Variants in DAAM1 observed in about 807,000 individuals in gnomAD.
DAAM1 encodes the protein dishevelled associated activator of morphogenesis 1.
DAAM1 carries 52 observed loss-of-function variants against 130.0 expected under a neutral mutation model. The observed-to-expected ratio is 0.40, with a 90% CI of 0.32 to 0.50. The LOEUF is 0.50. Ranked by LOEUF, DAAM1 falls within the 20% of genes least tolerant of loss-of-function variation. DAAM1 has a pLI of 0.61. For missense variants in DAAM1, 1,134 were observed against 1,303.8 expected, an observed-to-expected ratio of 0.87 and a Z score of 2.01; for synonymous variants, 452 against 444.5, an observed-to-expected ratio of 1.02 and a Z score of -0.21.
At chr14:59,309,534 T>C (rs1304434294) in intron 3 of DAAM1, among the ~76,000 whole-genome samples, 2 of 152,196 alleles carry the variant, frequency 1.3e-5, no homozygotes, top group African/African-American at 2.4e-5. Context: ...GTGGGCTAAT[T>C]TGGCCAGTCA....
chr14:59,363,845 C>G, intron 23 of DAAM1, 63 bp downstream of exon 23: 2 of 1,599,614 alleles, frequency 1.3e-6, no homozygotes, highest in African/African-American at 1.3e-5. Context: ...GTGATACTTT[C>G]AGTTATTATT....
At chr14:59,359,580 A>AT in intron 21 of DAAM1, 76 bp downstream of exon 21, 1 of 1,052,116 alleles carries the variant, frequency 9.5e-7, no homozygotes, top group South Asian at 1.4e-5. Flanking sequence ...TTTGCACTGC[A>AT]TGAAGTCAGT....
chr14:59,302,068 C>T (rs897389846), intron 3 of DAAM1, among the ~76,000 whole-genome samples: 3 of 152,298 alleles, frequency 2.0e-5, no homozygotes, highest in African/African-American at 7.2e-5. Context: ...TTTAGATTTT[C>T]AGATTTTTGG....
At chr14:59,352,032 T>C (rs536478732) in intron 17 of DAAM1, among the ~76,000 whole-genome samples, 2 of 151,492 alleles carry the variant, frequency 1.3e-5, no homozygotes, top group Non-Finnish European at 2.9e-5. Context: ...ACCAGAAAAA[T>C]AAGAAAATGG....
intron 1 of DAAM1, among the ~76,000 whole-genome samples, chr14:59,249,079 G>A (rs1020072113): frequency 6.6e-6 from 1 of 152,138 alleles, no homozygotes; most frequent in Non-Finnish European, 1.5e-5. Context: ...GAGCCACCGC[G>A]CCTGGCCCAT....
intron 2 of DAAM1, among the ~76,000 whole-genome samples, chr14:59,290,267 G>C (rs78289666): frequency 6.6e-6 from 1 of 151,900 alleles, no homozygotes; most frequent in Non-Finnish European, 1.5e-5. Flanking sequence ...TTCCTTTAGG[G>C]TTCAGTCTAA....
chr14:59,204,430 C>T (rs373350670), intron 1 of DAAM1, among the ~76,000 whole-genome samples: 4 of 152,162 alleles, frequency 2.6e-5, no homozygotes, highest in Admixed American at 6.5e-5. Context: ...TTCCATGCCA[C>T]GTGGAGAACA....
rs1887077357 is a variant in DAAM1, at chr14:59,369,719, TAAAGGAAG to T, written c.*863_*870del. The T allele has an allele frequency of 8.7e-6, 1 of 115,140 alleles. No homozygotes were observed. Among genetic ancestry groups the T allele is most frequent in the African/African-American group, 3.3e-5 (1 of 30,144 alleles). The allele number at this position is 115,140 out of a possible 1,614,324, so 7.1% of individuals were successfully genotyped here. A position where few individuals can be genotyped will look rare whatever the true frequency, so the allele number is the denominator to read the frequency against. ...ATAATAAAATATCTCACCCAAGACTTAAAGGAAGAATTCTCTGAAGGGATAAAGATTAC... is the reference window on the plus strand; with the variant it reads ...ATAATAAAATATCTCACCCAAGACTTAATTCTCTGAAGGGATAAAGATTAC... On this transcript the variant is annotated 3_prime_UTR_variant, in exon 25 of 25. Coordinates refer to ENST00000360909, the MANE Select transcript of DAAM1 (RefSeq NM_001270520.2).
At chr14:59,333,761 T>G (rs1474988616) in intron 15 of DAAM1, among the ~76,000 whole-genome samples, 1 of 152,222 alleles carries the variant, frequency 6.6e-6, no homozygotes, top group African/African-American at 2.4e-5. Context: ...TTGCATTTAT[T>G]ATAAAGGCAG....
At position 59,331,432 on chromosome 14, in the gene DAAM1, G is replaced by T; in HGVS notation, c.1784G>T (p.Gly595Val). 6.2e-7 allele frequency: 1 copy of T among 1,613,890 alleles called. No individual in the cohort carries two copies. Among genetic ancestry groups the T allele is most frequent in the Non-Finnish European group, 8.5e-7 (1 of 1,179,930 alleles). ...ATGCCACCTCCTGGTGCTCCAATGG[G>T]CCTAGCACTGAAGAAGAAAAGCATT... Reference protein sequence around the residue: ...AIMPPPGAPMGLALKKKSIPQ... With the variant: ...AIMPPPGAPMVLALKKKSIPQ... Residue 595 changes from glycine to valine, a missense_variant, in exon 14 of 25, where the codon GGC (glycine) becomes GTC (valine). Coordinates refer to ENST00000360909, the MANE Select transcript of DAAM1 (RefSeq NM_001270520.2).
chr14:59,254,766 T>C (rs930597430), intron 1 of DAAM1, among the ~76,000 whole-genome samples: 3 of 152,352 alleles, frequency 2.0e-5, no homozygotes, highest in Admixed American at 2.0e-4. Context: ...ATTTATACCC[T>C]AAACCCATGG....
At chr14:59,342,543 G>A (rs1052177772) in intron 16 of DAAM1, among the ~76,000 whole-genome samples, 1 of 152,158 alleles carries the variant, frequency 6.6e-6, no homozygotes, top group Non-Finnish European at 1.5e-5. Flanking sequence ...GGACATAAAA[G>A]GAGAAAGAAG....
At chr14:59,230,193 A>G (rs554922189) in intron 1 of DAAM1, among the ~76,000 whole-genome samples, 27 of 152,200 alleles carry the variant, frequency 1.8e-4, no homozygotes, top group East Asian at 1.7e-3. Flanking sequence ...GGTGGCTGCA[A>G]TGGAACTAGA....
chr14:59,324,048 A>T, intron 6 of DAAM1, 80 bp from the exon 7 acceptor site: 1 of 997,654 alleles, frequency 1.0e-6, no homozygotes, highest in Non-Finnish European at 1.4e-6. Context: ...AAAAAAAGTT[A>T]ACTTTTGAGT....
At chr14:59,221,997 A>T (rs185569653) in intron 1 of DAAM1, among the ~76,000 whole-genome samples, 1 of 152,232 alleles carries the variant, frequency 6.6e-6, no homozygotes, top group Non-Finnish European at 1.5e-5. Flanking sequence ...AAGCACTACC[A>T]TATAGCAGAT....
chr14:59,229,728 G>T (rs988232059), intron 1 of DAAM1, among the ~76,000 whole-genome samples: 9 of 152,150 alleles, frequency 5.9e-5, no homozygotes, highest in African/African-American at 2.2e-4. Context: ...TAAACTTCTT[G>T]GTTGAAATTA....
At chr14:59,289,238 A>G (rs73298004) in intron 2 of DAAM1, among the ~76,000 whole-genome samples, 16,659 of 152,076 alleles carry the variant, frequency 0.11, 1,493 homozygotes, top group African/African-American at 0.25. Flanking sequence ...TTAAACCATC[A>G]GATCTAATAG....
chr14:59,225,019 G>GTTTTTTTTTTTTTTTTTT (rs869233694), intron 1 of DAAM1, among the ~76,000 whole-genome samples: 2 of 90,782 alleles, frequency 2.2e-5, no homozygotes, highest in Admixed American at 1.2e-4. Flanking sequence ...ATCTGTGTGG[G>GTTTTTTTTTTTTTTTTTT]TTTTTTTTTT....
intron 2 of DAAM1, among the ~76,000 whole-genome samples, chr14:59,269,803 G>A (rs537541911): frequency 6.6e-6 from 1 of 152,266 alleles, no homozygotes; most frequent in South Asian, 2.1e-4. Context: ...ACAGTGAGAA[G>A]AGCATGTATA....
Sources: gnomAD v4.1 joint callset for allele counts (sites outside exome capture counted in the v4.1 genomes callset) on GRCh38, gnomAD v4.1.1 for gene constraint, MANE v1.5 for transcripts, NCBI Gene and HGNC (gene_info 2026-07-23, HGNC 2026-07-21) for gene names.